ZBTB21: variants seen among roughly 807,000 people sequenced by gnomAD.
ZBTB21 encodes zinc finger and BTB domain-containing protein 21.
In ZBTB21, 10 loss-of-function variants were observed where a neutral mutation model predicts 39.8. That is an observed-to-expected ratio of 0.25 (90% CI 0.16 to 0.43). The LOEUF is 0.43. ZBTB21 is among the 20% of genes least tolerant of loss of function. The pLI, the probability that ZBTB21 is intolerant of heterozygous loss-of-function variation, is 1.00. For synonymous variants in ZBTB21, 551 were observed against 498.8 expected (o/e 1.10, Z -1.40); for missense variants, 1,221 against 1,296.3 (o/e 0.94, Z 0.89).
chr21:42,006,080 A>G (rs2065874698), intron 1 of ZBTB21, among the ~76,000 whole-genome samples: 1 of 152,222 alleles, frequency 6.6e-6, no homozygotes, highest in South Asian at 2.1e-4. Context: ...TTTTAAAACA[A>G]TGACTAAAGG....
At chr21:42,004,219 C>T (rs1175176506) in intron 1 of ZBTB21, among the ~76,000 whole-genome samples, 6 of 152,072 alleles carry the variant, frequency 3.9e-5, no homozygotes, top group Admixed American at 2.0e-4. Flanking sequence ...AGGCCGGTCT[C>T]GAACTCCTGA....
intron 1 of ZBTB21, chr21:42,009,044 A>C (rs1165102253): frequency 1.3e-5 from 2 of 152,250 alleles, no homozygotes; most frequent in Non-Finnish European, 2.9e-5. Context: ...TTGAGGACTC[A>C]GGGTCATCGT....
intron 1 of ZBTB21, among the ~76,000 whole-genome samples, chr21:42,008,538 G>T (rs1441110683): frequency 1.8e-4 from 8 of 44,688 alleles, no homozygotes; most frequent in Admixed American, 3.1e-4. Flanking sequence ...GTGAAACTCT[G>T]TCAAAAAAAA....
intron 1 of ZBTB21, among the ~76,000 whole-genome samples, chr21:42,008,540 CAAAAAAAAAAAAAAA>C (rs68176203): frequency 1.7e-5 from 1 of 60,372 alleles, no homozygotes; most frequent in African/African-American, 5.9e-5. Flanking sequence ...GAAACTCTGT[CAAAAAAAAAAAAAAA>C]AAAAAAAGAA....
chr21:41,991,450 A>C lies in ZBTB21; in HGVS notation c.2646T>G (p.Pro882=). 3 of 1,613,794 alleles carry C rather than the reference A, an allele frequency of 1.9e-6. No individual in the cohort carries two copies. Among genetic ancestry groups the C allele is most frequent in the Non-Finnish European group, 2.5e-6 (3 of 1,179,936 alleles). The change falls in exon 3 of 3, where the codon CCT becomes CCG. Residue 882 remains proline, a synonymous_variant. Transcript: ENST00000310826. This position sits in a 1 kb window ranked among gnomAD's most constrained non-coding sequence, Gnocchi z 4.9. ...KQLKIQVKEE[P]VEEAEEEAPE... ...GTGCCTCTTCTTCAGCCTCCTCCAC[A>C]GGCTCCTCTTTGACTTGGATTTTCA...
intron 2 of ZBTB21, among the ~76,000 whole-genome samples, chr21:41,999,861 G>A (rs1033327162): frequency 5.3e-5 from 8 of 152,184 alleles, no homozygotes; most frequent in Non-Finnish European, 1.2e-4. Flanking sequence ...GAGACCTCCA[G>A]AAGAACTTTA....
Position 41,993,604 on chromosome 21 carries a change from A to G in ZBTB21, c.492T>C (p.Ser164=), listed in dbSNP as rs142990828. 4.9e-5 allele frequency: 79 copies of G among 1,614,116 alleles called. 1 individual carries two copies. In the Middle Eastern group the frequency reaches 9.9e-4, roughly 20 times the overall value. The change falls in exon 3 of 3, where the codon AGT becomes AGC. Residue 164 remains serine, a synonymous_variant. Transcript: ENST00000310826. The stretch of plus-strand genomic sequence containing the variant: ...TATGGCTTACATCGGGTTGATTTTG[A>G]CTAACAGTTTTTCCTTGCGCTTCGT... The part of the protein sequence containing the change: ...SRNEAQGKTV[S]QNQPDVSHTS...
Position 42,010,305 on chromosome 21 carries a change from G to T in ZBTB21, c.-132C>A, listed in dbSNP as rs896422553. On this transcript the variant is annotated 5_prime_UTR_variant, in exon 1 of 3. Transcript: ENST00000310826. ...GCCCCTTTCCGCTCACACTCGGCTC[G>T]CGCGCGCCGCAGCCGCCGCTGCCGC... 1.0e-5 allele frequency: 4 copies of T among 398,402 alleles called. No homozygotes were observed. The highest frequency in any genetic ancestry group is 1.8e-5 in the Non-Finnish European group (4 of 226,020). 24.7% of individuals were successfully genotyped at this position (398,402 alleles called of 1,614,324 possible).
Position 41,993,412 on chromosome 21 carries a change from A to G in ZBTB21, c.684T>C (p.Asp228=). The part of the protein sequence containing the change: ...KSLEHSGSLD[D]PNRISLVKRN... Reference sequence around the variant, plus strand: ...TTTTCACCAAACTGATTCTATTAGGATCATCCAAAGATCCAGAATGCTCAA... The same window carrying G: ...TTTTCACCAAACTGATTCTATTAGGGTCATCCAAAGATCCAGAATGCTCAA... Residue 228 remains aspartate, a synonymous_variant, in exon 3 of 3, where the codon GAT becomes GAC. Coordinates refer to ENST00000310826, the MANE Select transcript of ZBTB21 (RefSeq NM_001098402.2). 6.2e-7 allele frequency: 1 copy of G among 1,614,206 alleles called. No individual in the cohort carries two copies. The highest frequency in any genetic ancestry group is 1.7e-5 in the Admixed American group (1 of 60,022).
chr21:41,993,740 G>C lies in ZBTB21; in HGVS notation c.356C>G (p.Ser119Cys), dbSNP rs1322520228. The C allele has an allele frequency of 3.1e-6, 5 of 1,614,058 alleles. No homozygotes were observed. The highest frequency in any genetic ancestry group is 4.2e-6 in the Non-Finnish European group (5 of 1,180,040). ...LGISFLTNIV[S>C]KTPQAPFPTC... is the part of the protein sequence containing the mutation. ...TGGAAAGGGGGCTTGAGGTGTTTTA[G>C]AAACGATGTTAGTCAGAAAGGAAAT... Residue 119 changes from serine to cysteine, a missense_variant, in exon 3 of 3, where the codon TCT becomes TGT. Ser to Cys is a moderately radical substitution (Grantham distance 112). This residue lies in a region of ZBTB21 where 108 missense variants were observed against 155.0 expected (regional missense o/e 0.70). Coordinates refer to ENST00000310826, the MANE Select transcript of ZBTB21 (RefSeq NM_001098402.2).
chr21:41,995,307 A>G lies in ZBTB21; in HGVS notation c.-13-1199T>C, dbSNP rs141572768. ...TTGACCATAATGCCAATAATGATAC[A>G]GACAATGAAATCCAGGCTGAGGTAG... On this transcript the variant is annotated intron_variant, in intron 2 of 2. Coordinates refer to ENST00000310826, the MANE Select transcript of ZBTB21 (RefSeq NM_001098402.2). Among the ~76,000 whole-genome samples the G allele has an allele frequency of 2.5e-3, 383 of 152,328 alleles. 4 individuals are homozygous for G. The highest frequency in any genetic ancestry group is 8.8e-3 in the African/African-American group (367 of 41,560).
Position 41,989,780 on chromosome 21 carries a change from G to C in ZBTB21, c.*1115C>G, listed in dbSNP as rs1569098806. The C allele has an allele frequency of 6.6e-6, 1 of 152,140 alleles. No individual in the cohort carries two copies. Among genetic ancestry groups the C allele is most frequent in the African/African-American group, 2.4e-5 (1 of 41,436 alleles). The allele number at this position is 152,140 out of a possible 1,614,324, so 9.4% of individuals were successfully genotyped here. On this transcript the variant is annotated 3_prime_UTR_variant, in exon 3 of 3. Coordinates refer to ENST00000310826, the MANE Select transcript of ZBTB21 (RefSeq NM_001098402.2). ...TTCTAACAGAAATTGTCACAAGAGA[G>C]AGGCAGGAAAATGTATATGTCGTAT...
chr21:42,004,336 A>T (rs1197418568), intron 1 of ZBTB21, among the ~76,000 whole-genome samples: 7 of 152,158 alleles, frequency 4.6e-5, no homozygotes, highest in Non-Finnish European at 1.0e-4. Flanking sequence ...ACATAAATTA[A>T]TTCAATGCAA....
rs1301578722 is a variant in ZBTB21, at chr21:41,991,713, C to T, written c.2383G>A (p.Val795Ile). The T allele has an allele frequency of 6.2e-7, 1 of 1,614,058 alleles. No individual in the cohort carries two copies. Among genetic ancestry groups the T allele is most frequent in the African/African-American group, 1.3e-5 (1 of 74,908 alleles). Residue 795 changes from valine to isoleucine, a missense_variant, in exon 3 of 3, where the codon GTT (valine) becomes ATT (isoleucine). By Grantham distance (29) the Val-to-Ile change is conservative. This residue lies in a region of ZBTB21 where 523 missense variants were observed against 542.5 expected (regional missense o/e 0.96). Coordinates refer to ENST00000310826, the MANE Select transcript of ZBTB21 (RefSeq NM_001098402.2). The surrounding 1 kb of genome is among the most constrained non-coding windows in gnomAD (Gnocchi z 4.9). ...KSSFSIWRHQVEVHNQNNMAP... is the reference protein window; with the variant it reads ...KSSFSIWRHQIEVHNQNNMAP... Reference sequence around the variant, plus strand: ...ATGTTGTTCTGATTATGGACTTCAACCTGGTGCCGCCAGATGCTGAAAGAG... The same window carrying T: ...ATGTTGTTCTGATTATGGACTTCAATCTGGTGCCGCCAGATGCTGAAAGAG...
Position 42,001,243 on chromosome 21 carries a change from C to T in ZBTB21, c.-14+1654G>A, listed in dbSNP as rs147406701. Among the ~76,000 whole-genome samples, 10 of 152,296 alleles carry T rather than the reference C, an allele frequency of 6.6e-5. No individual in the cohort carries two copies. The East Asian group carries it at 1.2e-3, about 18-fold the overall frequency. ...GCCTCTAGTTTCCTCTTCCAATTCT[C>T]GTATCATCTTCTGAACTAGACAGTG... On this transcript the variant is annotated intron_variant, in intron 2 of 2. Coordinates refer to ENST00000310826, the MANE Select transcript of ZBTB21 (RefSeq NM_001098402.2).
At chr21:41,998,933 T>G (rs2065784920) in intron 2 of ZBTB21, among the ~76,000 whole-genome samples, 2 of 152,210 alleles carry the variant, frequency 1.3e-5, no homozygotes, top group African/African-American at 2.4e-5. Flanking sequence ...AATTCCTCTA[T>G]TTTTTTAAAA....
chr21:42,000,454 C>T (rs2065804187), intron 2 of ZBTB21, among the ~76,000 whole-genome samples: 1 of 152,136 alleles, frequency 6.6e-6, no homozygotes, highest in East Asian at 1.9e-4. Flanking sequence ...AACGGCTAAC[C>T]ACTTCACACT....
Position 41,991,285 on chromosome 21 carries a change from A to C in ZBTB21, c.2811T>G (p.Phe937Leu). 1 of 1,613,736 alleles carries C rather than the reference A, an allele frequency of 6.2e-7. No homozygotes were observed. The highest frequency in any genetic ancestry group is 8.5e-7 in the Non-Finnish European group (1 of 1,179,728). Residue 937 changes from phenylalanine to leucine, a missense_variant, in exon 3 of 3, where the codon TTT becomes TTG. Coordinates refer to ENST00000310826, the MANE Select transcript of ZBTB21 (RefSeq NM_001098402.2). This position sits in a 1 kb window ranked among gnomAD's most constrained non-coding sequence, Gnocchi z 4.9. The stretch of plus-strand genomic sequence containing the variant: ...AAGCTTTGTTGCACACGTGACAAAT[A>C]AATGGTTTCACAGAGCACAGAAGCT... Reference protein sequence around the residue: ...HQELLCSVKPFICHVCNKAFR... With the variant: ...HQELLCSVKPLICHVCNKAFR...
In ZBTB21 at chr21:41,989,106, A is replaced by G. The variant is rs909938394; in HGVS notation, c.*1789T>C. ...AAGAAAACAAAGATGGCAAGAATCAATAACTGCAATTTATTTTCCCTTCTC... is the reference window on the plus strand; with the variant it reads ...AAGAAAACAAAGATGGCAAGAATCAGTAACTGCAATTTATTTTCCCTTCTC... On this transcript the variant is annotated 3_prime_UTR_variant, in exon 3 of 3. Transcript: ENST00000310826. The G allele has an allele frequency of 6.6e-6, 1 of 152,188 alleles. No homozygotes were observed. Among genetic ancestry groups the G allele is most frequent in the Admixed American group, 6.5e-5 (1 of 15,278 alleles). The allele number at this position is 152,188 out of a possible 1,614,324, so 9.4% of individuals were successfully genotyped here.
Sources: allele counts gnomAD v4.1 joint callset (sites outside exome capture counted in the v4.1 genomes callset), GRCh38; gene constraint gnomAD v4.1.1; regional missense constraint gnomAD v4.1.1; non-coding constraint Gnocchi (gnomAD v3.1); transcripts MANE v1.5; gene names NCBI Gene and HGNC (gene_info 2026-07-23, HGNC 2026-07-21).